Variants in DOCK1 observed in about 807,000 individuals in gnomAD.
DOCK1 encodes dedicator of cytokinesis protein 1.
A neutral mutation model predicts 262.7 loss-of-function variants in DOCK1; 138 were observed. The ratio of observed to expected loss-of-function variants is 0.53; its 90% CI spans 0.46 to 0.61. DOCK1 has a LOEUF of 0.61. Ranked by LOEUF, DOCK1 falls within the 20% of genes least tolerant of loss-of-function variation. DOCK1 has a pLI of 0.00. For missense variants in DOCK1, 1,908 were observed against 2,370.7 expected (o/e 0.80, Z 4.05); for synonymous variants, 866 against 867.4 (o/e 1.00, Z 0.03).
intron 31 of DOCK1, among the ~76,000 whole-genome samples, chr10:127,346,660 C>T (rs1353779829): frequency 1.3e-5 from 2 of 152,152 alleles, no homozygotes; most frequent in African/African-American, 4.8e-5. Flanking sequence ...CTAAAGAAAA[C>T]GTTTGCTTCC....
At chr10:127,417,600 G>A (rs1461357623) in intron 44 of DOCK1, among the ~76,000 whole-genome samples, 6 of 152,026 alleles carry the variant, frequency 3.9e-5, no homozygotes, top group Admixed American at 6.6e-5. Flanking sequence ...TTTGTTTTTT[G>A]GAGTCTCACT....
intron 5 of DOCK1, among the ~76,000 whole-genome samples, chr10:126,987,825 T>G (rs1462069466): frequency 6.6e-6 from 1 of 152,022 alleles, no homozygotes; most frequent in East Asian, 1.9e-4. Context: ...TGCCATGTAT[T>G]TGGGTGTATT....
chr10:126,913,129 C>T (rs2032056582), intron 1 of DOCK1, among the ~76,000 whole-genome samples: 1 of 152,090 alleles, frequency 6.6e-6, no homozygotes, highest in South Asian at 2.1e-4. Flanking sequence ...CAGAACAATG[C>T]AATCAGGTAG....
intron 1 of DOCK1, among the ~76,000 whole-genome samples, chr10:126,922,598 C>T (rs1292175184): frequency 6.6e-6 from 1 of 152,122 alleles, no homozygotes; most frequent in Non-Finnish European, 1.5e-5. Context: ...GGCCCATCTT[C>T]AACATTGGGG....
At chr10:126,937,092 G>A (rs1353913529) in intron 1 of DOCK1, among the ~76,000 whole-genome samples, 2 of 152,190 alleles carry the variant, frequency 1.3e-5, no homozygotes, top group Non-Finnish European at 2.9e-5. Flanking sequence ...AATGGCATTT[G>A]TCATTTTGTG....
Position 127,299,173 on chromosome 10 carries a change from G to A in DOCK1, c.3045-39833G>A, listed in dbSNP as rs527814340. ...GAGTACAATAGCATGATCTCAGCTC[G>A]CTGCAACCTCCACCTCCCAGGTTCA... On this transcript the variant is annotated intron_variant, in intron 29 of 51. Coordinates refer to ENST00000623213, the MANE Select transcript of DOCK1 (RefSeq NM_001290223.2). 7.9e-5 allele frequency among the ~76,000 whole-genome samples: 12 copies of A among 152,210 alleles called. No individual in the cohort carries two copies. In the South Asian group the frequency reaches 1.2e-3, roughly 16 times the overall value.
intron 33 of DOCK1, among the ~76,000 whole-genome samples, chr10:127,370,133 A>G (rs988001183): frequency 1.3e-5 from 2 of 152,166 alleles, no homozygotes; most frequent in Admixed American, 6.5e-5. Context: ...ACCCAGGGAG[A>G]GAAGGCAGAG....
At chr10:127,196,593 G>A (rs1304696275) in intron 27 of DOCK1, among the ~76,000 whole-genome samples, 1 of 146,076 alleles carries the variant, frequency 6.8e-6, no homozygotes, top group African/African-American at 2.5e-5. Context: ...CGGAGCCCCG[G>A]GCCCCGCGGG....
At chr10:127,239,395 A>G (rs11016874) in intron 27 of DOCK1, among the ~76,000 whole-genome samples, 15,821 of 152,174 alleles carry the variant, frequency 0.1, 1,100 homozygotes, top group Non-Finnish European at 0.16. Context: ...TAATGTTTTA[A>G]TACTTTATAA....
rs369500194 is a variant in DOCK1, at chr10:127,222,079, A to G, written c.2848-25929A>G. On this transcript the variant is annotated intron_variant, in intron 27 of 51. Coordinates refer to ENST00000623213, the MANE Select transcript of DOCK1 (RefSeq NM_001290223.2). ...AGACTCTTTAGCTTAATGAAATTCTATCAGGGAGATGCAGTTTTAATAGCG... is the reference window on the plus strand; with the variant it reads ...AGACTCTTTAGCTTAATGAAATTCTGTCAGGGAGATGCAGTTTTAATAGCG... 7.9e-5 allele frequency among the ~76,000 whole-genome samples: 12 copies of G among 152,326 alleles called. No individual in the cohort carries two copies. The East Asian group carries it at 9.6e-4, about 12-fold the overall frequency.
intron 46 of DOCK1, among the ~76,000 whole-genome samples, chr10:127,423,005 G>A (rs1478578194): frequency 6.6e-6 from 1 of 152,128 alleles, no homozygotes; most frequent in Non-Finnish European, 1.5e-5. Context: ...GAATTTTAAA[G>A]CAGGTCACAG....
intron 21 of DOCK1, among the ~76,000 whole-genome samples, chr10:127,049,775 C>T (rs992909303): frequency 5.9e-5 from 9 of 151,334 alleles, no homozygotes; most frequent in Non-Finnish European, 7.4e-5. Context: ...TCTAAAATAC[C>T]GAAATAATAT....
chr10:126,970,487 A>G (rs2134672449), intron 1 of DOCK1, among the ~76,000 whole-genome samples: 1 of 152,296 alleles, frequency 6.6e-6, no homozygotes, highest in Middle Eastern at 3.4e-3. Flanking sequence ...ATCTGGTGTC[A>G]TGGGTAGTTA....
chr10:127,395,407 G>A (rs6482867), intron 38 of DOCK1, among the ~76,000 whole-genome samples: 62,971 of 152,006 alleles, frequency 0.41, 13,748 homozygotes, highest in Middle Eastern at 0.54. Context: ...GGGCTCCACC[G>A]TCATGACCTA....
At chr10:127,052,627 T>G (rs1310120555) in intron 21 of DOCK1, 54 bp from the exon 22 acceptor site, 2 of 1,612,332 alleles carry the variant, frequency 1.2e-6, no homozygotes, top group African/African-American at 1.3e-5. Flanking sequence ...GCAGTTAAGA[T>G]TTGAGATATT....
intron 27 of DOCK1, among the ~76,000 whole-genome samples, chr10:127,148,353 TGAC>T (rs1009074525): frequency 1.1e-4 from 17 of 152,222 alleles, no homozygotes; most frequent in Non-Finnish European, 1.8e-4. Context: ...TTCTACCACT[TGAC>T]GAGAAGATTC....
chr10:126,934,518 A>T (rs1402491072), intron 1 of DOCK1, among the ~76,000 whole-genome samples: 1 of 152,228 alleles, frequency 6.6e-6, no homozygotes, highest in Non-Finnish European at 1.5e-5. Context: ...GCAAATACCC[A>T]AAGACGAGTT....
Position 127,097,249 on chromosome 10 carries a change from G to C in DOCK1, c.2446-8982G>C, listed in dbSNP as rs1323430646. The stretch of plus-strand genomic sequence containing the variant: ...AGTGTGTTCTTGTCCTTTTGGTTCA[G>C]TTTTGACCTCAGTTTCCCTCCCAAG... On this transcript the variant is annotated intron_variant, in intron 23 of 51. Transcript: ENST00000623213. Among the ~76,000 whole-genome samples, 4 of 152,080 alleles carry C rather than the reference G, an allele frequency of 2.6e-5. No homozygotes were observed. In the East Asian group the frequency reaches 7.7e-4, roughly 29 times the overall value.
rs1183031479 is a variant in DOCK1 at position 127,439,181 on chromosome 10, G to A, written c.5215G>A (p.Asp1739Asn). The A allele has an allele frequency of 2.6e-5, 42 of 1,611,612 alleles. No individual in the cohort carries two copies. The highest frequency in any genetic ancestry group is 3.2e-5 in the Non-Finnish European group (38 of 1,179,074). Reference protein sequence around the residue: ...EIFEKEFKPTDISLQQSEAVI... With the variant: ...EIFEKEFKPTNISLQQSEAVI... ...ATTTGAGAAAGAATTTAAACCCACC[G>A]ACATTTCCCTGCAGCAGTCTGAGGC... Residue 1739 changes from aspartate to asparagine, a missense_variant, in exon 49 of 52, where the codon GAC becomes AAC. Asp to Asn is a conservative substitution (Grantham distance 23). Transcript: ENST00000623213.
Sources: allele counts gnomAD v4.1 joint callset (sites outside exome capture counted in the v4.1 genomes callset), GRCh38; gene constraint gnomAD v4.1.1; transcripts MANE v1.5; gene names NCBI Gene and HGNC (gene_info 2026-07-23, HGNC 2026-07-21).